ANKH: variants seen among roughly 807,000 people sequenced by gnomAD.
ANKH encodes mineralization regulator ANKH.
Under a neutral mutation model 49.0 loss-of-function variants are expected in ANKH, and 15 were observed. The ratio of observed to expected loss-of-function variants is 0.31; its 90% CI spans 0.20 to 0.47. ANKH has a LOEUF of 0.47. ANKH is among the 20% of genes least tolerant of loss of function. The pLI is 1.00. For missense variants in ANKH, 429 were observed against 652.0 expected (o/e 0.66, Z 3.72); for synonymous variants, 273 against 260.0 (o/e 1.05, Z -0.48).
chr5:14,798,481 C>A, intron 1 of ANKH: 22 of 1,026,982 alleles, frequency 2.1e-5, no homozygotes, highest in Non-Finnish European at 2.9e-5. Flanking sequence ...GCTCTGCGCA[C>A]GCGGTCTCTA....
At chr5:14,798,155 G>A in intron 1 of ANKH, 2 of 1,554,334 alleles carry the variant, frequency 1.3e-6, no homozygotes, top group Non-Finnish European at 1.8e-6. Flanking sequence ...GCTGCACACT[G>A]GCTATAACAA....
intron 2 of ANKH, among the ~76,000 whole-genome samples, chr5:14,763,619 C>T (rs911865633): frequency 2.6e-5 from 4 of 152,196 alleles, no homozygotes; most frequent in East Asian, 1.9e-4. Flanking sequence ...GAAATTTTAA[C>T]GCAAGTACAA....
intron 1 of ANKH, among the ~76,000 whole-genome samples, chr5:14,802,074 G>T (rs1580079852): frequency 6.6e-6 from 1 of 151,894 alleles, no homozygotes; most frequent in Non-Finnish European, 1.5e-5. Context: ...TGCCAACACC[G>T]GGTCAATGTT....
At chr5:14,712,713 T>C (rs1252408980) in intron 11 of ANKH, among the ~76,000 whole-genome samples, 161 bp downstream of exon 11, 11 of 152,052 alleles carry the variant, frequency 7.2e-5, no homozygotes. Context: ...CTTACCCCAC[T>C]CCCATTAGGC....
intron 5 of ANKH, among the ~76,000 whole-genome samples, chr5:14,750,407 G>T (rs548409216): frequency 6.6e-6 from 1 of 152,266 alleles, no homozygotes; most frequent in South Asian, 2.1e-4. Context: ...CCTCCTCCAA[G>T]GAGGCATCTT....
At chr5:14,781,738 T>C (rs915918635) in intron 1 of ANKH, among the ~76,000 whole-genome samples, 3 of 152,196 alleles carry the variant, frequency 2.0e-5, no homozygotes, top group South Asian at 2.1e-4. Flanking sequence ...ACCATGAAAG[T>C]TGTAGTGTAT....
chr5:14,734,866 T>C (rs144918134), intron 8 of ANKH, among the ~76,000 whole-genome samples: 17 of 152,312 alleles, frequency 1.1e-4, no homozygotes, highest in African/African-American at 2.4e-4. Flanking sequence ...AAGTGGTAAA[T>C]AGAAGAAGAG....
At chr5:14,762,671 C>A (rs924972381) in intron 2 of ANKH, among the ~76,000 whole-genome samples, 5 of 151,898 alleles carry the variant, frequency 3.3e-5, no homozygotes, top group Admixed American at 1.3e-4. Flanking sequence ...ACTGTTTTCA[C>A]CCACTCTGTT....
chr5:14,760,425 G>A (rs1325884368), intron 2 of ANKH, among the ~76,000 whole-genome samples: 3 of 152,210 alleles, frequency 2.0e-5, no homozygotes, highest in Non-Finnish European at 4.4e-5. Flanking sequence ...ATTTAGACAT[G>A]AGCTAAGCTG....
In ANKH at chr5:14,711,158, T is replaced by C. The variant is rs769310760; in HGVS notation, c.*39A>G. 2.6e-6 allele frequency: 4 copies of C among 1,512,640 alleles called. No homozygotes were observed. The highest frequency in any genetic ancestry group is 1.1e-5 in the South Asian group (1 of 89,144). 93.7% of individuals were successfully genotyped at this position (1,512,640 alleles called of 1,614,324 possible). A position where few individuals can be genotyped will look rare whatever the true frequency, so the allele number is the denominator to read the frequency against. ...AAGAGATGATGCCGAAGTGTCATCC[T>C]GACTGACTGTCCCTGCAGTGCCCAT... is the stretch of plus-strand genomic sequence containing the variant. On this transcript the variant is annotated 3_prime_UTR_variant, in exon 12 of 12. Transcript: ENST00000284268.
chr5:14,799,393 T>C (rs1160169469), intron 1 of ANKH, among the ~76,000 whole-genome samples: 1 of 152,182 alleles, frequency 6.6e-6, no homozygotes, highest in Non-Finnish European at 1.5e-5. Context: ...ATACAACAGA[T>C]TTTCAAGGTA....
chr5:14,856,832 T>G (rs1735278679), intron 1 of ANKH, among the ~76,000 whole-genome samples: 1 of 152,156 alleles, frequency 6.6e-6, no homozygotes, highest in Non-Finnish European at 1.5e-5. Flanking sequence ...TGGCTCCACA[T>G]GCCAGAAGCT....
intron 8 of ANKH, among the ~76,000 whole-genome samples, chr5:14,735,350 TA>T (rs1031322565): frequency 1.3e-5 from 2 of 152,064 alleles, no homozygotes; most frequent in African/African-American, 4.8e-5. Flanking sequence ...AATCTGGAAA[TA>T]AAATAATAGA....
chr5:14,746,835 G>A (rs964069234), intron 6 of ANKH, among the ~76,000 whole-genome samples: 1 of 152,120 alleles, frequency 6.6e-6, no homozygotes, highest in Non-Finnish European at 1.5e-5. Flanking sequence ...TTGCAAAGAC[G>A]GTTTCAATCC....
At chr5:14,854,532 A>G (rs1467634162) in intron 1 of ANKH, among the ~76,000 whole-genome samples, 1 of 152,028 alleles carries the variant, frequency 6.6e-6, no homozygotes, top group Non-Finnish European at 1.5e-5. Context: ...AAAAACAAAA[A>G]CAAACAAACA....
chr5:14,718,058 T>C (rs1474816510), intron 8 of ANKH, among the ~76,000 whole-genome samples: 1 of 152,152 alleles, frequency 6.6e-6, no homozygotes, highest in Non-Finnish European at 1.5e-5. Context: ...GGTAGGTGAC[T>C]GGAAATGGTC....
intron 1 of ANKH, among the ~76,000 whole-genome samples, chr5:14,850,611 A>G (rs972111244): frequency 6.6e-6 from 1 of 152,238 alleles, no homozygotes; most frequent in Admixed American, 6.5e-5. Flanking sequence ...CAGTGCCAAC[A>G]GTCCTACTAT....
At chr5:14,867,759 C>T (rs1201375225) in intron 1 of ANKH, among the ~76,000 whole-genome samples, 1 of 152,130 alleles carries the variant, frequency 6.6e-6, no homozygotes, top group Non-Finnish European at 1.5e-5. Context: ...CGGGGTTTCA[C>T]CTTGTTAGCC....
At chr5:14,810,437 G>C (rs567339831) in intron 1 of ANKH, among the ~76,000 whole-genome samples, 1 of 152,300 alleles carries the variant, frequency 6.6e-6, no homozygotes, top group African/African-American at 2.4e-5. Context: ...GGGATTACAG[G>C]AGTGAGCCAC....
Sources: gnomAD v4.1 joint callset for allele counts (sites outside exome capture counted in the v4.1 genomes callset) on GRCh38, gnomAD v4.1.1 for gene constraint, MANE v1.5 for transcripts, NCBI Gene and HGNC (gene_info 2026-07-23, HGNC 2026-07-21) for gene names.